RBFOX1: variants seen among roughly 807,000 people sequenced by gnomAD.
RBFOX1 encodes the protein RNA binding protein fox-1 homolog 1.
In RBFOX1, 8 loss-of-function variants were observed where a neutral mutation model predicts 57.7. The observed-to-expected ratio is 0.14, with a 90% CI of 0.08 to 0.25. The LOEUF is 0.25. Ranked by LOEUF, RBFOX1 falls within the 10% of genes least tolerant of loss-of-function variation. The pLI is 1.00. For missense variants in RBFOX1, 611 were observed against 548.5 expected (o/e 1.11, Z -1.14); for synonymous variants, 326 against 222.4 (o/e 1.47, Z -4.15).
chr16:6,422,269 G>A (rs1012941847), intron 2 of RBFOX1, among the ~76,000 whole-genome samples: 10 of 150,036 alleles, frequency 6.7e-5, no homozygotes, highest in African/African-American at 2.0e-4. Context: ...AGATTCAGGG[G>A]TACATGTAGG....
At chr16:5,295,793 A>T (rs2063652406) in intron 1 of RBFOX1, among the ~76,000 whole-genome samples, 1 of 152,200 alleles carries the variant, frequency 6.6e-6, no homozygotes, top group Non-Finnish European at 1.5e-5. Context: ...GGCCCCACCC[A>T]CATTAACAGG....
At chr16:6,826,156 G>T (rs532707155) in intron 3 of RBFOX1, among the ~76,000 whole-genome samples, 2 of 152,136 alleles carry the variant, frequency 1.3e-5, no homozygotes, top group Non-Finnish European at 2.9e-5. Context: ...TTCTCATCTG[G>T]AGAAGACAGG....
intron 2 of RBFOX1, among the ~76,000 whole-genome samples, chr16:6,592,944 G>A (rs1176393196): frequency 1.3e-5 from 2 of 152,202 alleles, no homozygotes; most frequent in Non-Finnish European, 2.9e-5. Context: ...TGTAATCCCA[G>A]CACCTTGGGA....
intron 1 of RBFOX1, among the ~76,000 whole-genome samples, chr16:6,184,604 G>C (rs1210138864): frequency 6.6e-6 from 1 of 152,198 alleles, no homozygotes; most frequent in Non-Finnish European, 1.5e-5. Context: ...CTTTTGCCCA[G>C]GCTGGAGTGC....
At chr16:7,108,760 C>T (rs1403283390) in intron 4 of RBFOX1, among the ~76,000 whole-genome samples, 2 of 152,212 alleles carry the variant, frequency 1.3e-5, no homozygotes, top group African/African-American at 4.8e-5. Context: ...GATACACTCA[C>T]CCCTGTGCTC....
intron 4 of RBFOX1, among the ~76,000 whole-genome samples, chr16:7,361,736 G>C (rs1454110634): frequency 6.6e-6 from 1 of 152,222 alleles, no homozygotes; most frequent in Non-Finnish European, 1.5e-5. Context: ...GGTGAAAGTA[G>C]GCAAAAGCAG....
intron 4 of RBFOX1, among the ~76,000 whole-genome samples, chr16:5,972,952 C>T (rs1418155359): frequency 6.6e-6 from 1 of 152,166 alleles, no homozygotes. Context: ...CATGAGTCAT[C>T]ATTTCTGTTG....
At chr16:6,565,370 G>A (rs183753193) in intron 2 of RBFOX1, among the ~76,000 whole-genome samples, 1 of 151,800 alleles carries the variant, frequency 6.6e-6, no homozygotes, top group East Asian at 1.9e-4. Context: ...TGATTCTCCT[G>A]CCTCAGCCTC....
rs570320146 is a variant in RBFOX1, at chr16:6,692,999, C to T, written c.-16+38349C>T. On this transcript the variant is annotated intron_variant, in intron 3 of 15. Coordinates refer to ENST00000550418, the MANE Select transcript of RBFOX1 (RefSeq NM_018723.4). ...TCATTATCACCATCGTTCTCCTCCA[C>T]TACCATCACAACCATCATCATCAAC... is the stretch of plus-strand genomic sequence containing the variant. Among the ~76,000 whole-genome samples the T allele has an allele frequency of 3.9e-3, 599 of 152,082 alleles. 19 individuals carry two copies. The East Asian group carries it at 0.058, about 15-fold the overall frequency.
intron 3 of RBFOX1, among the ~76,000 whole-genome samples, chr16:5,666,394 G>C (rs1483944360): frequency 6.6e-6 from 1 of 152,132 alleles, no homozygotes. Context: ...GGAAGATTAC[G>C]TGCTCCTTTT....
chr16:7,036,307 T>A (rs1325763303), intron 3 of RBFOX1, among the ~76,000 whole-genome samples: 3 of 152,068 alleles, frequency 2.0e-5, no homozygotes, highest in Non-Finnish European at 4.4e-5. Flanking sequence ...ATCCTAAAAC[T>A]TTCAGAAGCA....
chr16:6,300,779 C>G (rs1000326222), intron 1 of RBFOX1, among the ~76,000 whole-genome samples: 1 of 152,158 alleles, frequency 6.6e-6, no homozygotes, highest in Non-Finnish European at 1.5e-5. Flanking sequence ...TTACCAAGTC[C>G]ATTTACTCCA....
At chr16:5,428,130 G>C (rs199557379) in intron 1 of RBFOX1, among the ~76,000 whole-genome samples, 62,324 of 142,220 alleles carry the variant, frequency 0.44, 15,288 homozygotes, top group East Asian at 0.62. Context: ...GTCTGTGTGT[G>C]TGTGTGTGTG....
At chr16:6,008,240 C>G (rs1480103276) in intron 4 of RBFOX1, among the ~76,000 whole-genome samples, 6 of 119,310 alleles carry the variant, frequency 5.0e-5, no homozygotes, top group African/African-American at 1.3e-4. Context: ...AGTGTGTAGG[C>G]AGAGTGAATA....
At chr16:7,107,635 C>A (rs950369243) in intron 4 of RBFOX1, among the ~76,000 whole-genome samples, 3 of 152,066 alleles carry the variant, frequency 2.0e-5, no homozygotes, top group Non-Finnish European at 2.9e-5. Context: ...TCCGCTCCTC[C>A]CCTTCCACCC....
At chr16:7,520,944 A>G (rs144446537) in intron 5 of RBFOX1, among the ~76,000 whole-genome samples, 2 of 152,342 alleles carry the variant, frequency 1.3e-5, no homozygotes, top group East Asian at 1.9e-4. Flanking sequence ...ACTAGCTGCC[A>G]TGGTTGAACA....
At chr16:6,842,861 C>T (rs1299635485) in intron 3 of RBFOX1, among the ~76,000 whole-genome samples, 3 of 151,968 alleles carry the variant, frequency 2.0e-5, no homozygotes, top group Non-Finnish European at 4.4e-5. Flanking sequence ...GTGATGTTCC[C>T]CTCCCTGTGT....
At chr16:5,305,699 A>C (rs1215538267) in intron 1 of RBFOX1, among the ~76,000 whole-genome samples, 1 of 152,202 alleles carries the variant, frequency 6.6e-6, no homozygotes, top group Non-Finnish European at 1.5e-5. Context: ...ACACATGCAG[A>C]TGGACACTTC....
chr16:5,368,464 C>T (rs901917344), intron 1 of RBFOX1, among the ~76,000 whole-genome samples: 5 of 152,176 alleles, frequency 3.3e-5, no homozygotes, highest in African/African-American at 9.7e-5. Flanking sequence ...GGAAAATAGC[C>T]TACCTTTACA....
Sources: allele counts gnomAD v4.1 joint callset (sites outside exome capture counted in the v4.1 genomes callset), GRCh38; gene constraint gnomAD v4.1.1; transcripts MANE v1.5; gene names NCBI Gene and HGNC (gene_info 2026-07-23, HGNC 2026-07-21).